Variants in GC observed in about 807,000 individuals in gnomAD.
GC encodes the protein vitamin D-binding protein.
In GC, 43 loss-of-function variants were observed where a neutral mutation model predicts 56.7. The ratio of observed to expected loss-of-function variants is 0.76; its 90% CI spans 0.59 to 0.98. GC has a LOEUF of 0.98. GC is among the 50% of genes least tolerant of loss of function. The pLI, the probability that GC is intolerant of heterozygous loss-of-function variation, is 0.00. For missense variants in GC, 529 were observed against 545.9 expected (o/e 0.97, Z 0.31); for synonymous variants, 216 against 202.7 (o/e 1.07, Z -0.56).
At chr4:71,758,019 A>G in intron 7 of GC, 23 bp downstream of exon 7, 1 of 1,606,740 alleles carries the variant, frequency 6.2e-7, no homozygotes, top group Non-Finnish European at 8.5e-7. Context: ...ACATGGTGAT[A>G]ATGATAATAA....
intron 1 of GC, among the ~76,000 whole-genome samples, chr4:71,783,175 GA>G (rs1174695734): frequency 3.3e-5 from 5 of 151,634 alleles, no homozygotes; most frequent in African/African-American, 9.7e-5. Flanking sequence ...AGCACTAAAT[GA>G]AAACCTTAAT....
At chr4:71,779,702 G>A (rs549289996) in intron 1 of GC, among the ~76,000 whole-genome samples, 22 of 151,960 alleles carry the variant, frequency 1.4e-4, no homozygotes, top group South Asian at 4.1e-4. Flanking sequence ...GTTTTACAGA[G>A]TGTGCACACT....
chr4:71,778,949 T>G (rs1742591002), intron 1 of GC, among the ~76,000 whole-genome samples: 1 of 149,198 alleles, frequency 6.7e-6, no homozygotes, highest in African/African-American at 2.5e-5. Flanking sequence ...ATGATCATTT[T>G]TATACATATG....
chr4:71,802,587 G>C (rs1014987858), intron 1 of GC, among the ~76,000 whole-genome samples: 3 of 152,218 alleles, frequency 2.0e-5, no homozygotes, highest in African/African-American at 7.2e-5. Flanking sequence ...TTAATACTGT[G>C]ATAAGCCCAT....
rs190147977 is a variant in GC at position 71,803,647 on chromosome 4, T to A, written c.21+279A>T. 1.1e-3 allele frequency among the ~76,000 whole-genome samples: 160 copies of A among 152,318 alleles called. 4 individuals are homozygous for A. Among genetic ancestry groups the A allele is most frequent in the Admixed American group, 0.01 (157 of 15,288 alleles). On this transcript the variant is annotated intron_variant, in intron 1 of 13. Coordinates refer to the GC transcript ENST00000504199. ...CAGAGATTTGGGATTCTATTTCATT[T>A]CCTCAGAAAATTTGGTATAAACTCA...
upstream of GC, chr4:71,786,097 T>G (rs1029875187): frequency 1.3e-5 from 2 of 151,862 alleles, no homozygotes; most frequent in Non-Finnish European, 2.9e-5. Context: ...CACGTTTGTT[T>G]AATGATAAAC....
chr4:71,777,116 G>C (rs1363107743), intron 1 of GC, among the ~76,000 whole-genome samples: 1 of 151,184 alleles, frequency 6.6e-6, no homozygotes, highest in African/African-American at 2.4e-5. Flanking sequence ...TTTTAGTATG[G>C]CCAAAAGAGT....
At position 71,769,342 on chromosome 4, in the gene GC, G is replaced by A; in HGVS notation, c.117C>T (p.Asp39=). 3.1e-6 allele frequency: 5 copies of A among 1,610,384 alleles called. No individual in the cohort carries two copies. Among genetic ancestry groups the A allele is most frequent in the Non-Finnish European group, 4.2e-6 (5 of 1,176,778 alleles). ...CKEFSHLGKE[D]FTSLSLVLYS... is the part of the protein sequence containing the mutation. ...TGCTGCACACTTACAGAGATGTGAA[G>A]TCCTCCTTTCCCAGATGGGAGAATT... The change falls in exon 2 of 13, where the codon GAC becomes GAT. Residue 39 remains aspartate, a synonymous_variant. Transcript: ENST00000273951.
chr4:71,794,776 C>T (rs1236071237), intron 1 of GC, among the ~76,000 whole-genome samples: 2 of 152,106 alleles, frequency 1.3e-5, no homozygotes, highest in Non-Finnish European at 2.9e-5. Flanking sequence ...ATCTTTCCTG[C>T]TTTCTCTTGT....
At chr4:71,774,783 C>T (rs1359902099) in intron 1 of GC, among the ~76,000 whole-genome samples, 1 of 151,892 alleles carries the variant, frequency 6.6e-6, no homozygotes, top group African/African-American at 2.4e-5. Context: ...TATTTTTATG[C>T]ATCATTTTAA....
At position 71,746,201 on chromosome 4, in the gene GC, T is replaced by C; in HGVS notation, c.1400A>G (p.Asp467Gly). 1 of 1,316,480 alleles carries C rather than the reference T, an allele frequency of 7.6e-7. No homozygotes were observed. Among genetic ancestry groups the C allele is most frequent in the Non-Finnish European group, 1.1e-6 (1 of 914,106 alleles). The allele number at this position is 1,316,480 out of a possible 1,614,324, so 81.5% of individuals were successfully genotyped here. A position where few individuals can be genotyped will look rare whatever the true frequency, so the allele number is the denominator to read the frequency against. Residue 467 changes from aspartate (D) to glycine (G), a missense_variant, in exon 12 of 13, where the codon GAT (aspartate) becomes GGT (glycine). Transcript: ENST00000273951. ...CTACAGGATATTCTTCAATTCAGCA[T>C]CAATCTGATAATGAAAAAAGAATGT... ...SPPLYCDSEI[D>G]AELKNIL
chr4:71,758,293 T>G, intron 6 of GC, 122 bp from the exon 7 acceptor site: 2 of 776,422 alleles, frequency 2.6e-6, no homozygotes, highest in South Asian at 1.7e-5. Context: ...AAGAGATGCA[T>G]GGGAGCACAT....
intron 11 of GC, among the ~76,000 whole-genome samples, chr4:71,747,792 A>G (rs1741423336): frequency 6.6e-6 from 1 of 152,176 alleles, no homozygotes; most frequent in African/African-American, 2.4e-5. Flanking sequence ...GATAAGAAGA[A>G]GAGTAACTTT....
At chr4:71,782,848 T>C (rs534061126) in intron 1 of GC, among the ~76,000 whole-genome samples, 2 of 151,504 alleles carry the variant, frequency 1.3e-5, no homozygotes, top group African/African-American at 4.8e-5. Flanking sequence ...GAACATGGCC[T>C]ATTCAGAGGT....
Position 71,741,711 on chromosome 4 carries a change from T to G in GC, c.*185A>C. 1.5e-6 allele frequency: 1 copy of G among 664,694 alleles called. No individual in the cohort carries two copies. Among genetic ancestry groups the G allele is most frequent in the South Asian group, 1.7e-5 (1 of 60,200 alleles). The allele number at this position is 664,694 out of a possible 1,614,324, so 41.2% of individuals were successfully genotyped here. On this transcript the variant is annotated 3_prime_UTR_variant, in exon 13 of 13. Transcript: ENST00000273951. ...AGTCATATTTATGGTTTGCATTATATTTCAATTTATTTTGATAGCAAATCA... is the reference window on the plus strand; with the variant it reads ...AGTCATATTTATGGTTTGCATTATAGTTCAATTTATTTTGATAGCAAATCA...
At chr4:71,803,323 T>C (rs545771377) in intron 1 of GC, among the ~76,000 whole-genome samples, 34 of 152,220 alleles carry the variant, frequency 2.2e-4, no homozygotes, top group African/African-American at 8.2e-4. Flanking sequence ...GTTTTTATTC[T>C]TATTCTATTT....
At chr4:71,797,065 C>T (rs1394235865) in intron 1 of GC, among the ~76,000 whole-genome samples, 1 of 152,134 alleles carries the variant, frequency 6.6e-6, no homozygotes, top group Non-Finnish European at 1.5e-5. Context: ...GAAGCTTTGT[C>T]CCAGAGGGGC....
chr4:71,794,679 T>C (rs949104448), intron 1 of GC, among the ~76,000 whole-genome samples: 100 of 152,306 alleles, frequency 6.6e-4, no homozygotes, highest in Non-Finnish European at 2.8e-4. Flanking sequence ...CTGATCTTAG[T>C]TATTCCTTGC....
At chr4:71,794,622 G>T (rs1435904958) in intron 1 of GC, among the ~76,000 whole-genome samples, 1 of 151,946 alleles carries the variant, frequency 6.6e-6, no homozygotes, top group East Asian at 1.9e-4. Context: ...TGGATCCATT[G>T]ATTTTTTGAA....
Sources: allele counts gnomAD v4.1 joint callset (sites outside exome capture counted in the v4.1 genomes callset), GRCh38; gene constraint gnomAD v4.1.1; transcripts MANE v1.5; gene names NCBI Gene and HGNC (gene_info 2026-07-23, HGNC 2026-07-21).